The following MDGA2 variants were observed in gnomAD, a reference collection of about 807,000 sequenced individuals.
MDGA2 encodes the protein MAM domain-containing glycosylphosphatidylinositol anchor protein 2.
A neutral mutation model predicts 117.8 loss-of-function variants in MDGA2; 40 were observed. The ratio of observed to expected loss-of-function variants is 0.34; its 90% CI spans 0.26 to 0.44. The LOEUF is 0.44. MDGA2 is among the 20% of genes least tolerant of loss of function. The pLI, the probability that MDGA2 is intolerant of heterozygous loss-of-function variation, is 1.00. For missense variants in MDGA2, 1,123 were observed against 1,250.6 expected, an observed-to-expected ratio of 0.90 and a Z score of 1.54; for synonymous variants, 452 against 439.0, an observed-to-expected ratio of 1.03 and a Z score of -0.37.
intron 1 of MDGA2, among the ~76,000 whole-genome samples, chr14:47,503,700 G>A (rs569505976): frequency 1.0e-3 from 153 of 152,154 alleles, no homozygotes; most frequent in African/African-American, 3.3e-3. Flanking sequence ...CACTGCGCCC[G>A]GCCTCCTCTA....
intron 9 of MDGA2, among the ~76,000 whole-genome samples, chr14:46,954,609 T>C (rs185839724): frequency 1.3e-5 from 2 of 152,126 alleles, no homozygotes; most frequent in Admixed American, 1.3e-4. Context: ...TTGCCTCCTC[T>C]TCTCTCTCAA....
intron 1 of MDGA2, among the ~76,000 whole-genome samples, chr14:47,625,029 T>C (rs933533635): frequency 6.6e-6 from 1 of 152,208 alleles, no homozygotes; most frequent in East Asian, 1.9e-4. Flanking sequence ...TAAAGTTTTA[T>C]GTTGTAGAAT....
intron 1 of MDGA2, among the ~76,000 whole-genome samples, chr14:47,567,085 T>G (rs543652885): frequency 5.8e-4 from 88 of 152,060 alleles, no homozygotes; most frequent in Non-Finnish European, 9.4e-4. Context: ...TTTTTAATTT[T>G]TGTAGAGATG....
chr14:46,901,023 G>GA (rs367721752), intron 10 of MDGA2, among the ~76,000 whole-genome samples: 7 of 151,176 alleles, frequency 4.6e-5, no homozygotes, highest in African/African-American at 9.7e-5. Context: ...ATTTTAAAAA[G>GA]AAAAAAAACA....
At chr14:47,035,709 A>G (rs1888823262) in intron 7 of MDGA2, among the ~76,000 whole-genome samples, 1 of 152,214 alleles carries the variant, frequency 6.6e-6, no homozygotes, top group Non-Finnish European at 1.5e-5. Flanking sequence ...CCTCTGATCT[A>G]AAATCAAAAG....
At chr14:47,251,983 C>A (rs536693057) in intron 2 of MDGA2, among the ~76,000 whole-genome samples, 1 of 151,932 alleles carries the variant, frequency 6.6e-6, no homozygotes, top group African/African-American at 2.4e-5. Flanking sequence ...AAAGGTGCTA[C>A]TGGAAATAAG....
intron 1 of MDGA2, among the ~76,000 whole-genome samples, chr14:47,387,907 T>C (rs899021785): frequency 6.6e-6 from 1 of 152,194 alleles, no homozygotes; most frequent in African/African-American, 2.4e-5. Flanking sequence ...CAGCCTTCGA[T>C]ATAAAGGAAA....
intron 1 of MDGA2, among the ~76,000 whole-genome samples, chr14:47,559,349 G>A (rs1175189867): frequency 1.3e-5 from 2 of 152,066 alleles, no homozygotes; most frequent in African/African-American, 4.8e-5. Flanking sequence ...TTGGTTTTCT[G>A]TTGCTGTGTT....
intron 1 of MDGA2, among the ~76,000 whole-genome samples, chr14:47,415,618 T>C (rs1892459877): frequency 6.6e-6 from 1 of 152,190 alleles, no homozygotes; most frequent in Admixed American, 6.5e-5. Flanking sequence ...CTATCTGCAG[T>C]CCTGCTAACC....
At chr14:46,901,477 T>A (rs1027475461) in intron 10 of MDGA2, among the ~76,000 whole-genome samples, 1 of 152,192 alleles carries the variant, frequency 6.6e-6, no homozygotes, top group African/African-American at 2.4e-5. Flanking sequence ...TGGAACAATA[T>A]TTTCAAACTA....
At chr14:47,141,741 G>A (rs1487064392) in intron 4 of MDGA2, among the ~76,000 whole-genome samples, 4 of 152,204 alleles carry the variant, frequency 2.6e-5, no homozygotes, top group African/African-American at 9.6e-5. Context: ...AGGGAGAATA[G>A]AGAGAGATTG....
At chr14:47,573,241 A>T (rs973579142) in intron 1 of MDGA2, among the ~76,000 whole-genome samples, 4 of 152,238 alleles carry the variant, frequency 2.6e-5, no homozygotes, top group Non-Finnish European at 5.9e-5. Context: ...GATTAAGATA[A>T]CAACACTGAA....
Position 47,117,494 on chromosome 14 carries a change from G to A in MDGA2, c.925+14220C>T, listed in dbSNP as rs61992550. 2.2e-3 allele frequency among the ~76,000 whole-genome samples: 341 copies of A among 152,214 alleles called. 2 individuals are homozygous for A. Among genetic ancestry groups the A allele is most frequent in the Non-Finnish European group, 3.7e-3 (253 of 67,980 alleles). On this transcript the variant is annotated intron_variant, in intron 5 of 16. Transcript: ENST00000399232. ...TGTTCACTACAGTCAAGAGGTGCAC[G>A]TAACCTAAATGTGCATCAACTGATG...
At chr14:47,593,488 T>C (rs556844031) in intron 1 of MDGA2, among the ~76,000 whole-genome samples, 152 of 152,278 alleles carry the variant, frequency 1.0e-3, no homozygotes, top group Non-Finnish European at 1.9e-3. Context: ...TAAATGTCCA[T>C]CAATGATAGA....
At chr14:47,022,453 T>C (rs1888320679) in intron 8 of MDGA2, among the ~76,000 whole-genome samples, 2 of 152,248 alleles carry the variant, frequency 1.3e-5, no homozygotes, top group South Asian at 4.1e-4. Context: ...ATGTATGCAC[T>C]TACTGATCTA....
chr14:47,506,279 A>G (rs1894509874), intron 1 of MDGA2, among the ~76,000 whole-genome samples: 1 of 152,148 alleles, frequency 6.6e-6, no homozygotes, highest in Non-Finnish European at 1.5e-5. Flanking sequence ...GAAAAAATGG[A>G]ACTGATTAAA....
chr14:47,129,383 T>C (rs1238749487), intron 5 of MDGA2, among the ~76,000 whole-genome samples: 6 of 152,166 alleles, frequency 3.9e-5, no homozygotes, highest in African/African-American at 1.4e-4. Context: ...AGAATGAAGA[T>C]TTCCAATTTC....
At chr14:47,570,589 A>G (rs760137512) in intron 1 of MDGA2, among the ~76,000 whole-genome samples, 23 of 152,190 alleles carry the variant, frequency 1.5e-4, no homozygotes, top group Non-Finnish European at 2.5e-4. Context: ...ATACAGCCCC[A>G]GAAACAACAC....
intron 9 of MDGA2, among the ~76,000 whole-genome samples, chr14:46,950,786 G>A (rs1885344005): frequency 6.7e-6 from 1 of 149,370 alleles, no homozygotes; most frequent in African/African-American, 2.5e-5. Context: ...GAAGTATCTA[G>A]CTGAATAGCA....
Sources: gnomAD v4.1 joint callset for allele counts (sites outside exome capture counted in the v4.1 genomes callset) on GRCh38, gnomAD v4.1.1 for gene constraint, MANE v1.5 for transcripts, NCBI Gene and HGNC (gene_info 2026-07-23, HGNC 2026-07-21) for gene names.